TAFA5: variants seen among roughly 807,000 people sequenced by gnomAD.
TAFA5 encodes the protein chemokine-like protein TAFA-5.
TAFA5 carries 6 observed loss-of-function variants against 15.3 expected under a neutral mutation model. The observed-to-expected ratio is 0.39, with a 90% CI of 0.21 to 0.77. TAFA5 has a LOEUF of 0.77. TAFA5 is among the 30% of genes least tolerant of loss of function. The pLI is 0.41. For synonymous variants in TAFA5, 103 were observed against 80.7 expected, an observed-to-expected ratio of 1.28 and a Z score of -1.48; for missense variants, 161 against 193.1, an observed-to-expected ratio of 0.83 and a Z score of 0.98.
chr22:48,589,507 G>A (rs905882218), intron 1 of TAFA5, among the ~76,000 whole-genome samples: 13 of 152,086 alleles, frequency 8.5e-5, no homozygotes, highest in Admixed American at 3.3e-4. Flanking sequence ...CCCAAAGACA[G>A]AGCCACCTGG....
intron 2 of TAFA5, among the ~76,000 whole-genome samples, chr22:48,662,906 A>G (rs1927494220): frequency 6.6e-6 from 1 of 152,212 alleles, no homozygotes; most frequent in South Asian, 2.1e-4. Context: ...GGAAGGAAGC[A>G]GACCTCCCAC....
intron 3 of TAFA5, among the ~76,000 whole-genome samples, chr22:48,711,081 G>A (rs13057015): frequency 0.35 from 53,006 of 151,956 alleles, 9,590 homozygotes; most frequent in East Asian, 0.55. Context: ...CTCTGCTGGT[G>A]GAGGCTTAGA....
At chr22:48,588,640 C>T (rs535386281) in intron 1 of TAFA5, among the ~76,000 whole-genome samples, 224 of 152,282 alleles carry the variant, frequency 1.5e-3, no homozygotes, top group South Asian at 0.012. Flanking sequence ...GCTGTGACAA[C>T]GGGGACCTGC....
At chr22:48,662,537 G>A (rs1292929551) in intron 2 of TAFA5, among the ~76,000 whole-genome samples, 1 of 152,134 alleles carries the variant, frequency 6.6e-6, no homozygotes, top group Non-Finnish European at 1.5e-5. Context: ...GTGAGACCGT[G>A]TGGAGGGCAG....
chr22:48,742,905 G>A lies in TAFA5; in HGVS notation c.391-6934G>A, dbSNP rs544194851. Among the ~76,000 whole-genome samples, 44 of 152,254 alleles carry A rather than the reference G, an allele frequency of 2.9e-4. No homozygotes were observed. Among genetic ancestry groups the A allele is most frequent in the Admixed American group, 8.5e-4 (13 of 15,298 alleles). On this transcript the variant is annotated intron_variant, in intron 3 of 3. Transcript: ENST00000402357. The surrounding 1 kb of genome is among the most constrained non-coding windows in gnomAD (Gnocchi z 6.2). ...TGCTGCCTCCATGCAGCCCACACGC[G>A]GGGCCCCCACAGTGCGGACATGTTG... is the stretch of plus-strand genomic sequence containing the variant.
chr22:48,642,577 C>T (rs1202169514), intron 1 of TAFA5, among the ~76,000 whole-genome samples: 5 of 152,156 alleles, frequency 3.3e-5, no homozygotes, highest in Admixed American at 1.3e-4. Flanking sequence ...GAGACCAGGC[C>T]GGCCTGGACC....
chr22:48,531,912 C>T (rs1017286080), intron 1 of TAFA5, among the ~76,000 whole-genome samples: 7 of 152,222 alleles, frequency 4.6e-5, no homozygotes, highest in East Asian at 1.9e-4. Flanking sequence ...CAGCCAGGAA[C>T]AGCCAGGCAC....
At chr22:48,696,291 T>C (rs882339) in intron 2 of TAFA5, among the ~76,000 whole-genome samples, 41,532 of 152,116 alleles carry the variant, frequency 0.27, 5,754 homozygotes, top group South Asian at 0.4. Flanking sequence ...TCCGGCCAGA[T>C]GTAGCATAGC....
rs548557363 is a variant in TAFA5, at chr22:48,510,007, A to G, written c.112+20303A>G. On this transcript the variant is annotated intron_variant, in intron 1 of 3. Transcript: ENST00000402357. ...AAAGAAAAAAAGAAAGACTGAAACT[A>G]GAGCCCTGTCTCTCACATTATAAAG... is the stretch of plus-strand genomic sequence containing the variant. Among the ~76,000 whole-genome samples the G allele has an allele frequency of 2.2e-4, 33 of 152,192 alleles. No individual in the cohort carries two copies. In the South Asian group the frequency reaches 6.2e-3, roughly 29 times the overall value.
chr22:48,686,765 GGGAT>G lies in TAFA5; in HGVS notation c.263-20933_263-20930del, dbSNP rs113918350. ...GATTTTTGAATGGATAGATGGGTAG[GGGAT>G]GGATGGATGGATGGATGGTAGACAA... On this transcript the variant is annotated intron_variant, in intron 2 of 3. Coordinates refer to ENST00000402357, the MANE Select transcript of TAFA5 (RefSeq NM_001082967.3). 1.8e-3 allele frequency among the ~76,000 whole-genome samples: 267 copies of G among 151,424 alleles called. 1 individual carries two copies. Among genetic ancestry groups the G allele is most frequent in the African/African-American group, 6.0e-3 (247 of 41,068 alleles).
intron 3 of TAFA5, among the ~76,000 whole-genome samples, chr22:48,734,747 G>A (rs567191055): frequency 5.3e-5 from 8 of 152,376 alleles, no homozygotes; most frequent in Non-Finnish European, 8.8e-5. Flanking sequence ...ATGAACCCAG[G>A]TGTTCCTGAG....
chr22:48,531,607 G>C (rs1429847977), intron 1 of TAFA5, among the ~76,000 whole-genome samples: 1 of 152,158 alleles, frequency 6.6e-6, no homozygotes, highest in Non-Finnish European at 1.5e-5. Context: ...GCTTTGTGCA[G>C]GGGACTCTAG....
At chr22:48,702,963 C>G (rs888216500) in intron 2 of TAFA5, among the ~76,000 whole-genome samples, 1 of 152,248 alleles carries the variant, frequency 6.6e-6, no homozygotes, top group Non-Finnish European at 1.5e-5. Flanking sequence ...AGGGACGGGG[C>G]AGGCCTGCTG....
At chr22:48,624,916 G>A (rs752375039) in intron 1 of TAFA5, among the ~76,000 whole-genome samples, 2 of 152,058 alleles carry the variant, frequency 1.3e-5, no homozygotes, top group Non-Finnish European at 2.9e-5. Context: ...CCTGGCCAAC[G>A]TGGCAAAACC....
intron 1 of TAFA5, among the ~76,000 whole-genome samples, chr22:48,602,360 T>C (rs1173292941): frequency 6.6e-6 from 1 of 152,186 alleles, no homozygotes; most frequent in East Asian, 1.9e-4. Flanking sequence ...CCAGGGTCCC[T>C]GGGTGACGGC....
chr22:48,569,051 G>A (rs1347613452), intron 1 of TAFA5, among the ~76,000 whole-genome samples: 1 of 152,194 alleles, frequency 6.6e-6, no homozygotes, highest in East Asian at 1.9e-4. Context: ...GCTGTGAGCA[G>A]ACTGGTTCAG....
At chr22:48,537,376 A>G (rs968609247) in intron 1 of TAFA5, among the ~76,000 whole-genome samples, 2 of 151,698 alleles carry the variant, frequency 1.3e-5, no homozygotes, top group African/African-American at 4.9e-5. Context: ...GGCGTTCCCC[A>G]CTCCTCCATC....
intron 3 of TAFA5, among the ~76,000 whole-genome samples, chr22:48,730,677 A>T (rs1044240068): frequency 3.9e-5 from 6 of 152,114 alleles, no homozygotes; most frequent in Non-Finnish European, 8.8e-5. Flanking sequence ...ATCTGTGATC[A>T]TTGAGGTTTG....
intron 1 of TAFA5, among the ~76,000 whole-genome samples, chr22:48,633,520 GTCTGTCTGTCTGTCTCTCCC>G (rs1276141939): frequency 3.8e-4 from 17 of 44,224 alleles, no homozygotes; most frequent in Non-Finnish European, 6.0e-4. Flanking sequence ...CTGTCTGTCT[GTCTGTCTGTCTGTCTCTCCC>G]TCTCTCTCTC....
Sources: gnomAD v4.1 joint callset for allele counts (sites outside exome capture counted in the v4.1 genomes callset) on GRCh38, gnomAD v4.1.1 for gene constraint, Gnocchi (gnomAD v3.1) non-coding constraint, MANE v1.5 for transcripts, NCBI Gene and HGNC (gene_info 2026-07-23, HGNC 2026-07-21) for gene names.